Variants in NECTIN2 observed in about 807,000 individuals in gnomAD.
The protein encoded by NECTIN2 is nectin-2.
NECTIN2 carries 23 observed loss-of-function variants against 56.9 expected under a neutral mutation model. The observed-to-expected ratio is 0.40, with a 90% confidence interval of 0.29 to 0.57. The LOEUF is 0.57. NECTIN2 is among the 20% of genes least tolerant of loss of function. The pLI is 0.38. For synonymous variants in NECTIN2, 302 were observed against 313.8 expected (o/e 0.96, Z 0.40); for missense variants, 587 against 718.3 (o/e 0.82, Z 2.09).
intron 8 of NECTIN2, 84 bp downstream of exon 8, chr19:44,886,303 C>G: frequency 8.8e-7 from 1 of 1,134,064 alleles, no homozygotes; most frequent in Admixed American, 2.0e-5. Context: ...AGGTCAAAGA[C>G]TAAAGGTCAT....
At chr19:44,873,842 C>A in intron 3 of NECTIN2, 74 bp from the exon 4 acceptor site, 1 of 1,138,020 alleles carries the variant, frequency 8.8e-7, no homozygotes, top group Non-Finnish European at 1.3e-6. Flanking sequence ...TTTAGCATTC[C>A]TGTCTATCTG....
At position 44,856,799 on chromosome 19, in the gene NECTIN2, G is replaced by A. The variant is rs566856960; in HGVS notation, c.89-8472G>A. Among the ~76,000 whole-genome samples the A allele has an allele frequency of 9.2e-5, 14 of 152,260 alleles. No homozygotes were observed. In the South Asian group the frequency reaches 1.0e-3, roughly 11 times the overall value. On this transcript the variant is annotated intron_variant, in intron 1 of 8. Transcript: ENST00000252483. The stretch of plus-strand genomic sequence containing the variant: ...TGTTGCCCCCAGGAGCCACATATCC[G>A]GACTTCTGTCTGGAGCTTTAGACAG...
In NECTIN2 at chr19:44,874,648, C is replaced by A; in HGVS notation, c.1042+170C>A. On this transcript the variant is annotated intron_variant, in intron 5 of 8. Coordinates refer to ENST00000252483, the MANE Select transcript of NECTIN2 (RefSeq NM_001042724.2). The surrounding 1 kb of genome is among the most constrained non-coding windows in gnomAD (Gnocchi z 6.3). ...TTGGCCTTCCCCTCGTGGCCTCAGA[C>A]TGGGGTCTGGATTTGGGGTGTCGGG... 1 of 786,870 alleles carries A rather than the reference C, an allele frequency of 1.3e-6. No individual in the cohort carries two copies. Among genetic ancestry groups the A allele is most frequent in the Non-Finnish European group, 2.0e-6 (1 of 498,090 alleles). The allele number at this position is 786,870 out of a possible 1,614,324, so 48.7% of individuals were successfully genotyped here.
intron 5 of NECTIN2, among the ~76,000 whole-genome samples, chr19:44,880,682 A>G (rs1969298544): frequency 6.7e-6 from 1 of 149,938 alleles, no homozygotes; most frequent in Admixed American, 6.7e-5. Flanking sequence ...GATTGGGCTC[A>G]AACTCCTGGG....
chr19:44,878,170 G>C lies in NECTIN2; in HGVS notation c.1042+3692G>C, dbSNP rs1969262303. The C allele has an allele frequency of 1.8e-5, 11 of 626,508 alleles. No individual in the cohort carries two copies. In the Admixed American group the frequency reaches 3.2e-4, roughly 18 times the overall value. The allele number at this position is 626,508 out of a possible 1,614,324, so 38.8% of individuals were successfully genotyped here. On this transcript the variant is annotated intron_variant, in intron 5 of 8. Transcript: ENST00000252483. ...CCTCACTCCCCAGAGCGATCCTCGT[G>C]ATCTTGTGTCTCCCTTTCTCTCTCT...
chr19:44,866,701 T>G (rs1969105222), intron 2 of NECTIN2, among the ~76,000 whole-genome samples: 1 of 152,004 alleles, frequency 6.6e-6, no homozygotes, highest in African/African-American at 2.4e-5. Context: ...GGGGACAGAT[T>G]GGCAAAAGCC....
chr19:44,865,289 T>G lies in NECTIN2; in HGVS notation c.107T>G (p.Val36Gly). Residue 36 changes from valine (V) to glycine (G), a missense_variant, in exon 2 of 9, where the codon GTT becomes GGT. Coordinates refer to ENST00000252483, the MANE Select transcript of NECTIN2 (RefSeq NM_001042724.2). This position sits in a 1 kb window ranked among gnomAD's most constrained non-coding sequence, Gnocchi z 5.2. ...LLETGAQDVRVQVLPEVRGQL... is the reference protein window; with the variant it reads ...LLETGAQDVRGQVLPEVRGQL... ...TGCCCAGGAGCCCAGGATGTGCGAGTTCAAGTGCTACCCGAGGTGCGAGGC... is the reference window on the plus strand; with the variant it reads ...TGCCCAGGAGCCCAGGATGTGCGAGGTCAAGTGCTACCCGAGGTGCGAGGC... The G allele has an allele frequency of 1.2e-6, 2 of 1,612,038 alleles. No homozygotes were observed. Among genetic ancestry groups the G allele is most frequent in the Non-Finnish European group, 1.7e-6 (2 of 1,178,840 alleles).
intron 3 of NECTIN2, among the ~76,000 whole-genome samples, chr19:44,872,824 T>TATTATATATTATATAAAATATATAA (rs1373178412): frequency 1.6e-4 from 24 of 147,690 alleles, no homozygotes; most frequent in Non-Finnish European, 3.0e-4. Context: ...TATTTTTATA[T>TATTATATATTATATAAAATATATAA]ATTATATATT....
chr19:44,887,263 C>T (rs1969371066), intron 8 of NECTIN2, among the ~76,000 whole-genome samples: 2 of 152,122 alleles, frequency 1.3e-5, no homozygotes, highest in African/African-American at 2.4e-5. Flanking sequence ...GCAGGAGAAT[C>T]GCTTGGACCC....
intron 1 of NECTIN2, among the ~76,000 whole-genome samples, chr19:44,862,224 G>A (rs1162148733): frequency 6.6e-6 from 1 of 151,628 alleles, no homozygotes; most frequent in East Asian, 1.9e-4. Flanking sequence ...ACCATTCTGG[G>A]TAACACGGTG....
At chr19:44,881,154 C>T (rs1177405954) in intron 5 of NECTIN2, among the ~76,000 whole-genome samples, 4 of 151,632 alleles carry the variant, frequency 2.6e-5, no homozygotes, top group South Asian at 4.2e-4. Flanking sequence ...ACAATCCGCC[C>T]GCCTCGCCCT....
intron 2 of NECTIN2, among the ~76,000 whole-genome samples, chr19:44,866,621 G>A (rs1469537307): frequency 6.6e-6 from 1 of 152,042 alleles, no homozygotes; most frequent in Middle Eastern, 3.2e-3. Flanking sequence ...TGAGGGCCAG[G>A]AAGGAAGTCA....
At position 44,886,214 on chromosome 19, in the gene NECTIN2, G is replaced by C. The variant is rs933325464; in HGVS notation, c.1342G>C (p.Glu448Gln). 9 of 1,609,800 alleles carry C rather than the reference G, an allele frequency of 5.6e-6. No individual in the cohort carries two copies. The Admixed American group carries it at 1.5e-4, about 27-fold the overall frequency. ...CTTTGATGCTGGCGCCTCATGCACT[G>C]AGCAGGTAGGAGCTCATGGGAAGAC... The part of the protein sequence containing the change: ...PYFDAGASCT[E>Q]QEMPRYHELP... The change falls in exon 8 of 9, where the codon GAG becomes CAG. Residue 448 changes from glutamate to glutamine, a missense_variant. Glu to Gln is a conservative substitution (Grantham distance 29). Coordinates refer to ENST00000252483, the MANE Select transcript of NECTIN2 (RefSeq NM_001042724.2).
rs1969081624 is a variant in NECTIN2, at chr19:44,865,094, A to T, written c.89-177A>T. On this transcript the variant is annotated intron_variant, in intron 1 of 8. Transcript: ENST00000252483. This position sits in a 1 kb window ranked among gnomAD's most constrained non-coding sequence, Gnocchi z 5.2. ...AGTTGTATAATAGAATAGTCATTTT[A>T]GTCTTCCCTAAAATGTCTTTTCCAG... 1.3e-5 allele frequency among the ~76,000 whole-genome samples: 2 copies of T among 152,176 alleles called. No individual in the cohort carries two copies. The highest frequency in any genetic ancestry group is 2.9e-5 in the Non-Finnish European group (2 of 68,030).
At position 44,865,536 on chromosome 19, in the gene NECTIN2, A is replaced by G. The variant is rs1453168181; in HGVS notation, c.354A>G (p.Ala118=). 1 of 1,582,434 alleles carries G rather than the reference A, an allele frequency of 6.3e-7. No homozygotes were observed. The highest frequency in any genetic ancestry group is 1.8e-5 in the Admixed American group (1 of 54,970). The stretch of plus-strand genomic sequence containing the variant: ...AGAGCACTGGGCAAGACACAGAGGC[A>G]GAGCTCCAGGACGCCACGCTGGCCC... ...AKQSTGQDTE[A]ELQDATLALH... The change falls in exon 2 of 9, where the codon GCA becomes GCG. Residue 118 remains alanine, a synonymous_variant. Transcript: ENST00000252483. The surrounding 1 kb of genome is among the most constrained non-coding windows in gnomAD (Gnocchi z 5.2).
chr19:44,885,865 A>C (rs1969354819), intron 6 of NECTIN2, 72 bp from the exon 7 acceptor site: 2 of 1,266,262 alleles, frequency 1.6e-6, no homozygotes, highest in Non-Finnish European at 2.3e-6. Context: ...AGGGAACAGC[A>C]TGTGCCATAA....
In NECTIN2 at chr19:44,846,326, C is replaced by G. The variant is rs1468482410; in HGVS notation, c.-200C>G. On this transcript the variant is annotated 5_prime_UTR_variant, in exon 1 of 9. Coordinates refer to ENST00000252483, the MANE Select transcript of NECTIN2 (RefSeq NM_001042724.2). ...CGTCAGCGGGTTCGAACCGCCGGAG[C>G]TGAGCGAGAGGCCGGGGGTGCCGAG... The G allele has an allele frequency of 1.1e-5, 6 of 562,366 alleles. No individual in the cohort carries two copies. The highest frequency in any genetic ancestry group is 2.0e-5 in the African/African-American group (1 of 49,996). The allele number at this position is 562,366 out of a possible 1,614,324, so 34.8% of individuals were successfully genotyped here.
intron 5 of NECTIN2, chr19:44,878,529 G>A (rs376477761): frequency 3.4e-5 from 55 of 1,613,942 alleles, no homozygotes; most frequent in Non-Finnish European, 4.2e-5. Context: ...GCAGAGAAAG[G>A]CCTCATGTTG....
At chr19:44,860,241 C>G (rs1198894521) in intron 1 of NECTIN2, among the ~76,000 whole-genome samples, 5 of 152,116 alleles carry the variant, frequency 3.3e-5, no homozygotes, top group African/African-American at 1.2e-4. Context: ...TAAAAATGCC[C>G]AGGCTGGGCG....
Sources: gnomAD v4.1 joint callset for allele counts (sites outside exome capture counted in the v4.1 genomes callset) on GRCh38, gnomAD v4.1.1 for gene constraint, Gnocchi (gnomAD v3.1) non-coding constraint, MANE v1.5 for transcripts, NCBI Gene and HGNC (gene_info 2026-07-23, HGNC 2026-07-21) for gene names.